The following PDS5A variants were observed in gnomAD, a reference collection of about 807,000 sequenced individuals.
PDS5A encodes the protein sister chromatid cohesion protein PDS5 homolog A.
In PDS5A, 42 loss-of-function variants were observed where a neutral mutation model predicts 167.1. The ratio of observed to expected loss-of-function variants is 0.25; its 90% CI spans 0.20 to 0.33. The LOEUF is 0.33. Ranked by LOEUF, PDS5A falls within the 10% of genes least tolerant of loss-of-function variation. PDS5A has a pLI of 1.00. For missense variants in PDS5A, 1,033 were observed against 1,605.9 expected (o/e 0.64, Z 6.10); for synonymous variants, 553 against 554.6 (o/e 1.00, Z 0.04).
intron 11 of PDS5A, 56 bp downstream of exon 11, chr4:39,908,339 T>TA: frequency 2.3e-6 from 3 of 1,302,170 alleles, no homozygotes; most frequent in Non-Finnish European, 1.1e-6. Context: ...GATACCCAAT[T>TA]GTATTTAGCA....
intron 25 of PDS5A, 108 bp from the exon 26 acceptor site, chr4:39,862,441 C>T: frequency 1.8e-6 from 1 of 541,756 alleles, no homozygotes; most frequent in Non-Finnish European, 3.3e-6. Context: ...AAATTAGGCA[C>T]AACATGATAC....
intron 17 of PDS5A, among the ~76,000 whole-genome samples, chr4:39,888,553 T>A (rs566604633): frequency 3.3e-5 from 5 of 151,788 alleles, no homozygotes; most frequent in Non-Finnish European, 7.4e-5. Context: ...TAAGTGCACA[T>A]CAACGAAGAA....
intron 8 of PDS5A, among the ~76,000 whole-genome samples, chr4:39,915,760 ACTT>A (rs1374140682): frequency 2.0e-5 from 3 of 152,180 alleles, no homozygotes; most frequent in Non-Finnish European, 4.4e-5. Flanking sequence ...AATATGATTT[ACTT>A]CTTAAAGAAA....
intron 32 of PDS5A, among the ~76,000 whole-genome samples, chr4:39,836,810 CTTT>C (rs35685046): frequency 4.8e-4 from 62 of 128,842 alleles, no homozygotes; most frequent in African/African-American, 1.5e-3. Flanking sequence ...GCTTCAGTAA[CTTT>C]TTTTTTTTTT....
At chr4:39,910,202 T>C (rs1417807718) in intron 10 of PDS5A, 42 bp downstream of exon 10, 1 of 983,280 alleles carries the variant, frequency 1.0e-6, no homozygotes, top group South Asian at 1.4e-5. Flanking sequence ...ACAATATAGT[T>C]GTATGGTTAT....
intron 32 of PDS5A, among the ~76,000 whole-genome samples, chr4:39,829,184 C>G (rs957242804): frequency 6.6e-6 from 1 of 152,198 alleles, no homozygotes; most frequent in Non-Finnish European, 1.5e-5. Flanking sequence ...CAGGATGATC[C>G]TCACCAGGTC....
At chr4:39,951,727 C>T (rs1728396778) in intron 2 of PDS5A, among the ~76,000 whole-genome samples, 1 of 151,858 alleles carries the variant, frequency 6.6e-6, no homozygotes, top group Admixed American at 6.6e-5. Flanking sequence ...GGTGAAACCC[C>T]TTCTCTACTA....
At chr4:39,902,670 G>T (rs565433596) in intron 12 of PDS5A, among the ~76,000 whole-genome samples, 1 of 151,912 alleles carries the variant, frequency 6.6e-6, no homozygotes, top group East Asian at 1.9e-4. Flanking sequence ...CTACAGGCGC[G>T]TGCCACCATG....
At chr4:39,838,560 A>G (rs958279391) in intron 31 of PDS5A, among the ~76,000 whole-genome samples, 9 of 152,196 alleles carry the variant, frequency 5.9e-5, no homozygotes, top group African/African-American at 1.7e-4. Flanking sequence ...CATCTCTACA[A>G]ATAATTTAAA....
At chr4:39,935,411 T>C (rs1726502939) in intron 2 of PDS5A, among the ~76,000 whole-genome samples, 1 of 152,256 alleles carries the variant, frequency 6.6e-6, no homozygotes, top group Admixed American at 6.5e-5. Context: ...CGATGTGTTC[T>C]TGGAAAAGTT....
rs568845844 is a variant in PDS5A at position 39,872,486 on chromosome 4, G to A, written c.2436+500C>T. Among the ~76,000 whole-genome samples the A allele has an allele frequency of 7.2e-5, 11 of 152,042 alleles. No individual in the cohort carries two copies. The East Asian group carries it at 1.9e-3, about 27-fold the overall frequency. The stretch of plus-strand genomic sequence containing the variant: ...TCAATATAAGCCTGGCCAACATAGC[G>A]AAACCCCGTCTCTACTAAAAACACA... On this transcript the variant is annotated intron_variant, in intron 21 of 32. Transcript: ENST00000303538.
intron 17 of PDS5A, among the ~76,000 whole-genome samples, chr4:39,880,472 A>C (rs1720835107): frequency 6.6e-6 from 1 of 152,220 alleles, no homozygotes; most frequent in Non-Finnish European, 1.5e-5. Context: ...AGTAAAAACA[A>C]ATGTGACTTC....
intron 17 of PDS5A, 126 bp from the exon 18 acceptor site, chr4:39,879,959 A>G: frequency 3.6e-6 from 2 of 557,774 alleles, no homozygotes; most frequent in Non-Finnish European, 6.3e-6. Context: ...GGGGGAAAAA[A>G]GTTCAACCTT....
At chr4:39,965,424 C>G (rs1560524584) in intron 2 of PDS5A, among the ~76,000 whole-genome samples, 1 of 152,126 alleles carries the variant, frequency 6.6e-6, no homozygotes, top group South Asian at 2.1e-4. Flanking sequence ...GCAAGCTAAA[C>G]CCTGCCTGAA....
At position 39,964,529 on chromosome 4, in the gene PDS5A, C is replaced by A. The variant is rs192644016; in HGVS notation, c.138+11911G>T. Among the ~76,000 whole-genome samples the A allele has an allele frequency of 6.5e-3, 989 of 152,216 alleles. 7 individuals carry two copies. Among genetic ancestry groups the A allele is most frequent in the Non-Finnish European group, 0.01 (711 of 68,018 alleles). The stretch of plus-strand genomic sequence containing the variant: ...GACCAGCCTGATCAACGTAGAGCGA[C>A]CCCCAAAACTACAACAAATTTAAAA... On this transcript the variant is annotated intron_variant, in intron 2 of 32. Transcript: ENST00000303538.
chr4:39,962,340 G>A (rs1578835887), intron 2 of PDS5A, among the ~76,000 whole-genome samples: 3 of 152,156 alleles, frequency 2.0e-5, no homozygotes, highest in African/African-American at 7.2e-5. Flanking sequence ...ACAGGCGTAA[G>A]CCACCGCGCC....
intron 17 of PDS5A, among the ~76,000 whole-genome samples, chr4:39,881,955 G>A: frequency 6.6e-6 from 1 of 152,038 alleles, no homozygotes. Context: ...TTTTATAAAG[G>A]GGAGTTCCCC....
At chr4:39,871,429 G>A (rs1318768587) in intron 21 of PDS5A, among the ~76,000 whole-genome samples, 1 of 152,192 alleles carries the variant, frequency 6.6e-6, no homozygotes, top group East Asian at 1.9e-4. Flanking sequence ...GGTAGAAAAT[G>A]AGACTTAGGC....
chr4:39,853,322 T>C (rs566782978), intron 26 of PDS5A, among the ~76,000 whole-genome samples: 2 of 152,338 alleles, frequency 1.3e-5, no homozygotes, highest in African/African-American at 4.8e-5. Flanking sequence ...ATATTTAGAA[T>C]TGTTTAATGC....
Sources: gnomAD v4.1 joint callset for allele counts (sites outside exome capture counted in the v4.1 genomes callset) on GRCh38, gnomAD v4.1.1 for gene constraint, MANE v1.5 for transcripts, NCBI Gene and HGNC (gene_info 2026-07-23, HGNC 2026-07-21) for gene names.